RIMS2: variants seen among roughly 807,000 people sequenced by gnomAD.
The protein encoded by RIMS2 is regulating synaptic membrane exocytosis 2, also known as regulating synaptic membrane exocytosis protein 2.
RIMS2 carries 59 observed loss-of-function variants against 174.4 expected under a neutral mutation model. The observed-to-expected ratio is 0.34, with a 90% confidence interval of 0.27 to 0.42. The LOEUF (loss-of-function observed/expected upper bound fraction) is 0.42, where lower values mean the gene tolerates loss of function less well. Ranked by LOEUF, RIMS2 falls within the 10% of genes least tolerant of loss-of-function variation. The pLI is 1.00. For missense variants in RIMS2, 1,620 were observed against 1,666.3 expected, an observed-to-expected ratio of 0.97 and a Z score of 0.48; for synonymous variants, 606 against 572.5, an observed-to-expected ratio of 1.06 and a Z score of -0.84.
At chr8:103,993,063 G>A (rs2154550911) in intron 17 of RIMS2, among the ~76,000 whole-genome samples, 1 of 152,246 alleles carries the variant, frequency 6.6e-6, no homozygotes, top group African/African-American at 2.4e-5. Flanking sequence ...GCAGTGAGGC[G>A]AGATCGCGCC....
chr8:103,857,033 A>G (rs531788017), intron 3 of RIMS2, among the ~76,000 whole-genome samples: 2 of 152,258 alleles, frequency 1.3e-5, no homozygotes, highest in East Asian at 3.9e-4. Context: ...ATAGGTAGAG[A>G]CAATATCATT....
intron 19 of RIMS2, among the ~76,000 whole-genome samples, chr8:104,184,196 C>T (rs1192393879): frequency 6.6e-6 from 1 of 151,546 alleles, no homozygotes; most frequent in Non-Finnish European, 1.5e-5. Context: ...CAGAGACAAA[C>T]AAAGTAACAA....
At chr8:103,870,074 G>A (rs1257562227) in intron 3 of RIMS2, among the ~76,000 whole-genome samples, 1 of 151,106 alleles carries the variant, frequency 6.6e-6, no homozygotes, top group African/African-American at 2.4e-5. Flanking sequence ...GTACTAGGGG[G>A]TATCAGAGCC....
At chr8:103,785,394 T>C (rs2098434407) in intron 3 of RIMS2, among the ~76,000 whole-genome samples, 1 of 151,238 alleles carries the variant, frequency 6.6e-6, no homozygotes, top group Non-Finnish European at 1.5e-5. Context: ...CAGTATGATA[T>C]TGGCTGTGGG....
In RIMS2 at chr8:103,521,102, A is replaced by G. The variant is rs992412356; in HGVS notation, c.176+20040A>G. 2.1e-5 allele frequency among the ~76,000 whole-genome samples: 3 copies of G among 139,822 alleles called. No individual in the cohort carries two copies. In the Admixed American group the frequency reaches 2.2e-4, roughly 10 times the overall value. The allele number at this position is 139,822 out of a possible 152,430, so 91.7% of individuals were successfully genotyped here. The stretch of plus-strand genomic sequence containing the variant: ...TTGAACAATGAGAACACATGGACAC[A>G]GGAAGGGGAACATCACACTCTGGGG... On this transcript the variant is annotated intron_variant, in intron 1 of 23. Coordinates refer to ENST00000504942, the Ensembl canonical transcript of RIMS2.
chr8:103,870,364 TCACCAC>T (rs948969782), intron 3 of RIMS2, among the ~76,000 whole-genome samples: 14 of 150,970 alleles, frequency 9.3e-5, no homozygotes, highest in Non-Finnish European at 1.6e-4. Context: ...ACCACCACCA[TCACCAC>T]CACCACCACC....
chr8:103,794,473 A>T (rs1312434443), intron 3 of RIMS2, among the ~76,000 whole-genome samples: 1 of 152,238 alleles, frequency 6.6e-6, no homozygotes. Context: ...CTAAAACCAT[A>T]GAAATCCTAG....
At chr8:103,513,311 T>G (rs1375900702) in intron 1 of RIMS2, among the ~76,000 whole-genome samples, 3 of 152,210 alleles carry the variant, frequency 2.0e-5, no homozygotes, top group African/African-American at 7.2e-5. Context: ...GCTCCATCAT[T>G]TATAAGCTGT....
intron 1 of RIMS2, among the ~76,000 whole-genome samples, chr8:103,573,791 C>T (rs1055928557): frequency 6.6e-6 from 1 of 151,934 alleles, no homozygotes; most frequent in African/African-American, 2.4e-5. Flanking sequence ...CTGTATATTG[C>T]TTTGGGCATT....
intron 19 of RIMS2, among the ~76,000 whole-genome samples, chr8:104,039,863 T>C (rs1041487377): frequency 5.3e-5 from 8 of 151,760 alleles, no homozygotes; most frequent in Non-Finnish European, 1.0e-4. Flanking sequence ...AGATTTTTTT[T>C]CTAGGGGTTA....
chr8:103,797,387 A>C (rs2098557047), intron 3 of RIMS2, among the ~76,000 whole-genome samples: 1 of 152,190 alleles, frequency 6.6e-6, no homozygotes, highest in South Asian at 2.1e-4. Context: ...GTTTGGGTCT[A>C]TACATACCAA....
intron 1 of RIMS2, among the ~76,000 whole-genome samples, chr8:103,646,463 T>G (rs887252220): frequency 2.6e-5 from 4 of 152,010 alleles, no homozygotes; most frequent in African/African-American, 9.7e-5. Flanking sequence ...TGCCATGGTG[T>G]TTTGCTGCAC....
At chr8:103,897,727 A>G (rs2099295781) in intron 4 of RIMS2, among the ~76,000 whole-genome samples, 1 of 151,696 alleles carries the variant, frequency 6.6e-6, no homozygotes, top group Admixed American at 6.6e-5. Flanking sequence ...TTTCCACTGC[A>G]GACTACATGG....
At chr8:104,031,268 T>C (rs959211049) in intron 19 of RIMS2, among the ~76,000 whole-genome samples, 14 of 152,116 alleles carry the variant, frequency 9.2e-5, no homozygotes, top group African/African-American at 2.9e-4. Context: ...AATTTCTACA[T>C]TGTAATTCTA....
intron 19 of RIMS2, among the ~76,000 whole-genome samples, chr8:104,112,273 T>C (rs528195152): frequency 7.2e-5 from 11 of 152,240 alleles, no homozygotes; most frequent in Non-Finnish European, 1.2e-4. Context: ...ACTTTCAGAG[T>C]CTTCACCATT....
At chr8:103,628,907 G>A (rs990989379) in intron 1 of RIMS2, among the ~76,000 whole-genome samples, 1 of 152,134 alleles carries the variant, frequency 6.6e-6, no homozygotes, top group Non-Finnish European at 1.5e-5. Context: ...CCCTCCCCAT[G>A]GAGCACTGCA....
chr8:103,558,692 A>G (rs1563775518), intron 1 of RIMS2, among the ~76,000 whole-genome samples: 1 of 152,070 alleles, frequency 6.6e-6, no homozygotes, highest in African/African-American at 2.4e-5. Flanking sequence ...TTGAGATTGT[A>G]AATATGAACA....
At chr8:103,892,499 T>A (rs2099252482) in intron 4 of RIMS2, among the ~76,000 whole-genome samples, 1 of 152,024 alleles carries the variant, frequency 6.6e-6, no homozygotes, top group Non-Finnish European at 1.5e-5. Flanking sequence ...CCACCACTCC[T>A]GACTTGTAAT....
chr8:103,657,187 G>A (rs2096541692), intron 1 of RIMS2, among the ~76,000 whole-genome samples: 1 of 152,162 alleles, frequency 6.6e-6, no homozygotes, highest in Admixed American at 6.6e-5. Context: ...CAGCCCAAGA[G>A]CACAGGTTCA....
Sources: allele counts gnomAD v4.1 joint callset (sites outside exome capture counted in the v4.1 genomes callset), GRCh38; gene constraint gnomAD v4.1.1; transcripts MANE v1.5; gene names NCBI Gene and HGNC (gene_info 2026-07-23, HGNC 2026-07-21).